The following RTTN variants were observed in gnomAD, a reference collection of about 807,000 sequenced individuals.
RTTN encodes the protein rotatin.
RTTN carries 182 observed loss-of-function variants against 269.2 expected under a neutral mutation model. The observed-to-expected ratio is 0.68, with a 90% confidence interval of 0.60 to 0.76. The LOEUF (loss-of-function observed/expected upper bound fraction) is 0.76. RTTN is among the 30% of genes least tolerant of loss of function. The probability of loss-of-function intolerance (pLI) is 0.00; values close to 1 mark genes in which losing one functional copy is unlikely to be tolerated. For missense variants in RTTN, 2,545 were observed against 2,608.6 expected (o/e 0.98, Z 0.53); for synonymous variants, 1,006 against 963.5 (o/e 1.04, Z -0.82).
chr18:70,202,619 T>C (rs1287172849), intron 3 of RTTN, among the ~76,000 whole-genome samples: 1 of 152,220 alleles, frequency 6.6e-6, no homozygotes, highest in Non-Finnish European at 1.5e-5. Flanking sequence ...CTACTTTATT[T>C]GTGATGTCTT....
chr18:70,025,886 C>A (rs974682914), intron 43 of RTTN, among the ~76,000 whole-genome samples: 3 of 152,200 alleles, frequency 2.0e-5, no homozygotes, highest in Admixed American at 2.0e-4. Context: ...GCTCTTCCTG[C>A]CTCCTCAGGG....
rs1258727329 is a variant in RTTN, at chr18:70,135,291, A to C, written c.2789-11T>G. The C allele has an allele frequency of 5.6e-6, 8 of 1,418,086 alleles. No individual in the cohort carries two copies. Among genetic ancestry groups the C allele is most frequent in the Non-Finnish European group, 6.8e-6 (7 of 1,036,722 alleles). 87.8% of individuals were successfully genotyped at this position (1,418,086 alleles called of 1,614,324 possible). On this transcript the variant is annotated splice_polypyrimidine_tract_variant and intron_variant, in intron 21 of 48. Transcript: ENST00000640769. ...GAAATATTAAGGAAACTGAATAAAAAGAAGCACAACTTTATGAAATATTTG... is the reference window on the plus strand; with the variant it reads ...GAAATATTAAGGAAACTGAATAAAACGAAGCACAACTTTATGAAATATTTG...
At chr18:70,154,478 C>T (rs1287635248) in intron 14 of RTTN, among the ~76,000 whole-genome samples, 1 of 152,072 alleles carries the variant, frequency 6.6e-6, no homozygotes, top group Non-Finnish European at 1.5e-5. Context: ...ATAACTATCC[C>T]AAATACAGTG....
intron 32 of RTTN, among the ~76,000 whole-genome samples, chr18:70,076,707 T>C (rs2058437751): frequency 6.6e-6 from 1 of 152,032 alleles, no homozygotes; most frequent in South Asian, 2.1e-4. Context: ...ATAAGACTAC[T>C]GTAATGAACA....
intron 10 of RTTN, among the ~76,000 whole-genome samples, chr18:70,181,589 AT>A: frequency 6.6e-6 from 1 of 152,280 alleles, no homozygotes; most frequent in South Asian, 2.1e-4. Flanking sequence ...GATGTTACTG[AT>A]ATTAGTACTG....
At chr18:70,142,229 T>C (rs995785793) in intron 19 of RTTN, 59 bp downstream of exon 19, 2 of 1,129,064 alleles carry the variant, frequency 1.8e-6, no homozygotes, top group South Asian at 1.3e-5. Flanking sequence ...CAGTACCATA[T>C]GGCAATCTAA....
At chr18:70,164,852 G>T (rs1352802612) in intron 14 of RTTN, among the ~76,000 whole-genome samples, 2 of 152,276 alleles carry the variant, frequency 1.3e-5, no homozygotes, top group South Asian at 4.2e-4. Flanking sequence ...AATCATGTAT[G>T]CATGGAGACA....
rs2056574482 is a variant in RTTN at position 70,017,467 on chromosome 18, G to A, written c.6361C>T (p.Leu2121Phe). The A allele has an allele frequency of 1.2e-6, 2 of 1,614,008 alleles. No individual in the cohort carries two copies. The stretch of plus-strand genomic sequence containing the variant: ...AAGCAAACATTATGAAAGATAAGAA[G>A]AGGCAATAAAGGGCTGCTCTTGTGC... ...YKHKSSPLLPLLIFHNVCFSP... is the reference protein window; with the variant it reads ...YKHKSSPLLPFLIFHNVCFSP... The change falls in exon 46 of 49, where the codon CTT (leucine) becomes TTT (phenylalanine). Residue 2121 changes from leucine to phenylalanine, a missense_variant. Transcript: ENST00000640769.
chr18:70,189,870 T>C (rs568569164), intron 9 of RTTN, among the ~76,000 whole-genome samples: 19 of 152,332 alleles, frequency 1.2e-4, no homozygotes, highest in African/African-American at 2.6e-4. Context: ...GCTGTTACCA[T>C]TGTTCAGTAC....
intron 31 of RTTN, among the ~76,000 whole-genome samples, chr18:70,086,929 T>C (rs962846671): frequency 2.6e-4 from 40 of 152,194 alleles, no homozygotes; most frequent in Admixed American, 2.3e-3. Context: ...AATTATTTCA[T>C]CAGGAAATAT....
chr18:70,184,708 T>TGTGTGTGTG (rs1346425275), intron 10 of RTTN, among the ~76,000 whole-genome samples: 27 of 58,602 alleles, frequency 4.6e-4, no homozygotes, highest in African/African-American at 1.7e-3. Flanking sequence ...AGCAGGTTTT[T>TGTGTGTGTG]TTTTTTTTTG....
intron 14 of RTTN, among the ~76,000 whole-genome samples, chr18:70,156,518 T>A (rs916620945): frequency 6.6e-6 from 1 of 152,188 alleles, no homozygotes; most frequent in Non-Finnish European, 1.5e-5. Context: ...TGCCTCCATT[T>A]GCCTTGTGAT....
rs73466802 is a variant in RTTN at position 70,170,292 on chromosome 18, C to T, written c.1477-1225G>A. ...CAGAGAGCAAAATACAACCTCTGCC[C>T]GCATGAAGCTCACATCCCACTGAAG... On this transcript the variant is annotated intron_variant, in intron 11 of 48. Coordinates refer to ENST00000640769, the MANE Select transcript of RTTN (RefSeq NM_173630.4). Among the ~76,000 whole-genome samples, 849 of 152,244 alleles carry T rather than the reference C, an allele frequency of 5.6e-3. 9 individuals carry two copies. Among genetic ancestry groups the T allele is most frequent in the African/African-American group, 0.019 (776 of 41,550 alleles).
In RTTN at chr18:70,143,668, G is replaced by A. The variant is rs370391616; in HGVS notation, c.2482-1281C>T. Among the ~76,000 whole-genome samples the A allele has an allele frequency of 2.0e-4, 31 of 152,052 alleles. 2 individuals are homozygous for A. The highest frequency in any genetic ancestry group is 8.5e-4 in the Admixed American group (13 of 15,268). On this transcript the variant is annotated intron_variant, in intron 18 of 48. Transcript: ENST00000640769. Reference sequence around the variant, plus strand: ...GTACTAGGCTTAGTACCAGGGTGACGAAATAATCTGTACAACAAACCCCCA... The same window carrying A: ...GTACTAGGCTTAGTACCAGGGTGACAAAATAATCTGTACAACAAACCCCCA...
intron 33 of RTTN, chr18:70,074,640 C>T (rs2058381904): frequency 6.6e-6 from 1 of 151,560 alleles, no homozygotes; most frequent in Admixed American, 6.6e-5. Flanking sequence ...TTGTACTATT[C>T]CTGAAGCTTT....
intron 40 of RTTN, among the ~76,000 whole-genome samples, 157 bp downstream of exon 40, chr18:70,047,814 A>C (rs1296545409): frequency 6.6e-6 from 1 of 152,192 alleles, no homozygotes; most frequent in East Asian, 1.9e-4. Flanking sequence ...GAGATAGTTA[A>C]TTTAACTTTA....
intron 26 of RTTN, among the ~76,000 whole-genome samples, chr18:70,116,886 A>C (rs1455610468): frequency 1.4e-5 from 2 of 148,134 alleles, no homozygotes; most frequent in South Asian, 4.4e-4. Context: ...GAAGAAAAAA[A>C]CTAACAGCCC....
intron 43 of RTTN, among the ~76,000 whole-genome samples, chr18:70,027,571 G>A (rs1289315355): frequency 6.6e-6 from 1 of 152,090 alleles, no homozygotes; most frequent in Non-Finnish European, 1.5e-5. Flanking sequence ...GTATTCCAGA[G>A]TATTTCCCTG....
In RTTN at chr18:70,176,713, CA is replaced by C. The variant is rs1277274756; in HGVS notation, c.1437del (p.Phe479LeufsTer54). On this transcript the variant is annotated frameshift_variant, in exon 11 of 49. Transcript: ENST00000640769. LOFTEE classifies it high-confidence loss of function. The part of the protein sequence containing the change: ...HRMAFISISL[F>X]AVRLLQTLLP... ...AGAAGCGTTTGTAGCAGTCGAACTGCAAACAGGGAAATGCTGATAAAGGCCA... is the reference window on the plus strand; with the variant it reads ...AGAAGCGTTTGTAGCAGTCGAACTGCAACAGGGAAATGCTGATAAAGGCCA... 4 of 1,613,914 alleles carry C rather than the reference CA, an allele frequency of 2.5e-6. No individual in the cohort carries two copies. Among genetic ancestry groups the C allele is most frequent in the Admixed American group, 1.7e-5 (1 of 59,986 alleles).
Sources: allele counts gnomAD v4.1 joint callset (sites outside exome capture counted in the v4.1 genomes callset), GRCh38; gene constraint gnomAD v4.1.1; transcripts MANE v1.5; gene names NCBI Gene and HGNC (gene_info 2026-07-23, HGNC 2026-07-21).